Variants in TMEM65 observed in about 807,000 individuals in gnomAD.
TMEM65 encodes transmembrane protein 65.
A neutral mutation model predicts 25.4 loss-of-function variants in TMEM65; 22 were observed. That is an observed-to-expected ratio of 0.86 (90% CI 0.62 to 1.23). The LOEUF (loss-of-function observed/expected upper bound fraction) is 1.23. Ranked by LOEUF, TMEM65 falls within the 50% of genes most tolerant of loss-of-function variation. The pLI, the probability that TMEM65 is intolerant of heterozygous loss-of-function variation, is 0.00. For synonymous variants in TMEM65, 132 were observed against 126.2 expected (o/e 1.05, Z -0.31); for missense variants, 262 against 308.2 (o/e 0.85, Z 1.12).
chr8:124,322,088 T>C lies in TMEM65; in HGVS notation c.515+17A>G, dbSNP rs1463520539. On this transcript the variant is annotated intron_variant, in intron 5 of 6. Coordinates refer to ENST00000297632, the MANE Select transcript of TMEM65 (RefSeq NM_194291.3). ...AGCAAGTACAGAATATACAAATGAA[T>C]AAGTGAATGAACCTACCCAAGTCCA... 1.9e-6 allele frequency: 3 copies of C among 1,597,758 alleles called. No homozygotes were observed. Among genetic ancestry groups the C allele is most frequent in the Non-Finnish European group, 2.6e-6 (3 of 1,169,198 alleles).
At chr8:124,370,494 A>T (rs554523836) in intron 1 of TMEM65, among the ~76,000 whole-genome samples, 16 of 152,326 alleles carry the variant, frequency 1.1e-4, no homozygotes, top group Admixed American at 2.6e-4. Flanking sequence ...CTAGTGTTTC[A>T]TTATGATTGC....
intron 1 of TMEM65, among the ~76,000 whole-genome samples, chr8:124,347,177 A>T (rs1436259617): frequency 6.6e-6 from 1 of 152,208 alleles, no homozygotes; most frequent in East Asian, 1.9e-4. Context: ...CTCTTTAGAA[A>T]CAGCAGAGCT....
intron 6 of TMEM65, among the ~76,000 whole-genome samples, chr8:124,317,868 A>G (rs1251499049): frequency 1.3e-5 from 2 of 152,202 alleles, no homozygotes; most frequent in Non-Finnish European, 2.9e-5. Context: ...AGAGGGCCAC[A>G]TGGCAAAGAA....
At chr8:124,364,145 T>C (rs1814909444) in intron 1 of TMEM65, among the ~76,000 whole-genome samples, 1 of 151,948 alleles carries the variant, frequency 6.6e-6, no homozygotes, top group Non-Finnish European at 1.5e-5. Context: ...GAAATGTCTA[T>C]CAAGATTAAA....
chr8:124,343,647 C>G (rs1239093942), intron 1 of TMEM65, among the ~76,000 whole-genome samples: 2 of 152,038 alleles, frequency 1.3e-5, no homozygotes, highest in Admixed American at 6.6e-5. Context: ...TAAGGCTGAC[C>G]AGGAAAGCTA....
chr8:124,308,282 A>T lies in TMEM65; in HGVS notation c.*5678T>A, dbSNP rs941597240. The T allele has an allele frequency of 6.6e-6, 1 of 152,156 alleles. No individual in the cohort carries two copies. Among genetic ancestry groups the T allele is most frequent in the Admixed American group, 6.5e-5 (1 of 15,268 alleles). 9.4% of individuals were successfully genotyped at this position (152,156 alleles called of 1,614,324 possible). ...AGTGATCTATTTGCCCCCAAACACA[A>T]TGTCTCTAATTTAGTTTCTAGATCA... On this transcript the variant is annotated 3_prime_UTR_variant, in exon 7 of 7. Coordinates refer to ENST00000297632, the MANE Select transcript of TMEM65 (RefSeq NM_194291.3).
chr8:124,354,050 T>A (rs1372924778), intron 1 of TMEM65, among the ~76,000 whole-genome samples: 2 of 152,040 alleles, frequency 1.3e-5, no homozygotes, highest in African/African-American at 4.8e-5. Flanking sequence ...CCTGTGATAC[T>A]CCTGTCAAAG....
chr8:124,337,916 T>C (rs930270495), intron 1 of TMEM65, among the ~76,000 whole-genome samples: 2 of 152,022 alleles, frequency 1.3e-5, no homozygotes, highest in Non-Finnish European at 2.9e-5. Flanking sequence ...ATTGAGTTTG[T>C]TTTTTATTAA....
At chr8:124,361,700 G>A (rs950586874) in intron 1 of TMEM65, among the ~76,000 whole-genome samples, 1 of 150,974 alleles carries the variant, frequency 6.6e-6, no homozygotes, top group African/African-American at 2.4e-5. Context: ...GCCGGGAATG[G>A]TGGCATGCAC....
chr8:124,330,884 C>T (rs975258777), intron 1 of TMEM65, 92 bp from the exon 2 acceptor site: 15 of 1,188,384 alleles, frequency 1.3e-5, no homozygotes, highest in African/African-American at 9.6e-5. Context: ...AGATTTACAA[C>T]GTGGGAGAAT....
At chr8:124,352,253 A>T (rs2131220323) in intron 1 of TMEM65, among the ~76,000 whole-genome samples, 1 of 152,268 alleles carries the variant, frequency 6.6e-6, no homozygotes, top group East Asian at 1.9e-4. Flanking sequence ...TAACTAAAAC[A>T]TGGTTACTGA....
chr8:124,333,885 A>T lies in TMEM65; in HGVS notation c.305-3093T>A, dbSNP rs539705464. ...CAGTCTCTGTCTGAAGAACCAGAGG[A>T]TGAGGTGCCAGGTAACCAAACAACT... On this transcript the variant is annotated intron_variant, in intron 1 of 6. Transcript: ENST00000297632. Among the ~76,000 whole-genome samples, 5 of 152,286 alleles carry T rather than the reference A, an allele frequency of 3.3e-5. No individual in the cohort carries two copies. The South Asian group carries it at 1.0e-3, about 32-fold the overall frequency.
chr8:124,360,585 T>TGC (rs1814846960), intron 1 of TMEM65, among the ~76,000 whole-genome samples: 1 of 152,202 alleles, frequency 6.6e-6, no homozygotes, highest in African/African-American at 2.4e-5. Context: ...CTGGCTCTCT[T>TGC]GCCTTAGCTG....
At chr8:124,321,111 A>T (rs2131196787) in intron 5 of TMEM65, among the ~76,000 whole-genome samples, 1 of 152,306 alleles carries the variant, frequency 6.6e-6, no homozygotes, top group Admixed American at 6.5e-5. Context: ...ATATCATGAT[A>T]CATTTATGCC....
chr8:124,312,461 T>C lies in TMEM65; in HGVS notation c.*1499A>G, dbSNP rs979463421. 5 of 152,002 alleles carry C rather than the reference T, an allele frequency of 3.3e-5. No individual in the cohort carries two copies. The highest frequency in any genetic ancestry group is 6.6e-5 in the Admixed American group (1 of 15,250). The allele number at this position is 152,002 out of a possible 1,614,324, so 9.4% of individuals were successfully genotyped here. ...TACTCTGAAGAGTTCAAAGTAATTA[T>C]GTATAAATAAAACCTTAAAATAAAC... On this transcript the variant is annotated 3_prime_UTR_variant, in exon 7 of 7. Coordinates refer to ENST00000297632, the MANE Select transcript of TMEM65 (RefSeq NM_194291.3).
chr8:124,317,892 G>A (rs1814257164), intron 6 of TMEM65, among the ~76,000 whole-genome samples: 3 of 152,176 alleles, frequency 2.0e-5, no homozygotes, highest in South Asian at 2.1e-4. Flanking sequence ...CAGGTGACCC[G>A]TAGATCGGGG....
In TMEM65 at chr8:124,311,764, C is replaced by T. The variant is rs1814163914; in HGVS notation, c.*2196G>A. ...GGTAGACTATGATCTTAAACATATA[C>T]CTTCAGTTAAAGACAAATGGTCTCC... is the stretch of plus-strand genomic sequence containing the variant. On this transcript the variant is annotated 3_prime_UTR_variant, in exon 7 of 7. Coordinates refer to ENST00000297632, the MANE Select transcript of TMEM65 (RefSeq NM_194291.3). 1 of 152,098 alleles carries T rather than the reference C, an allele frequency of 6.6e-6. No individual in the cohort carries two copies. Among genetic ancestry groups the T allele is most frequent in the East Asian group, 1.9e-4 (1 of 5,196 alleles). 9.4% of individuals were successfully genotyped at this position (152,098 alleles called of 1,614,324 possible).
intron 1 of TMEM65, among the ~76,000 whole-genome samples, chr8:124,366,408 C>A (rs1336744300): frequency 1.3e-5 from 2 of 152,184 alleles, no homozygotes; most frequent in African/African-American, 4.8e-5. Flanking sequence ...CACCAAAGTA[C>A]CAGACACATA....
intron 1 of TMEM65, among the ~76,000 whole-genome samples, chr8:124,333,649 T>C (rs981944584): frequency 6.6e-6 from 1 of 152,320 alleles, no homozygotes; most frequent in East Asian, 1.9e-4. Flanking sequence ...TTCTCCTGCA[T>C]GGAACAACCA....
Sources: allele counts gnomAD v4.1 joint callset (sites outside exome capture counted in the v4.1 genomes callset), GRCh38; gene constraint gnomAD v4.1.1; transcripts MANE v1.5; gene names NCBI Gene and HGNC (gene_info 2026-07-23, HGNC 2026-07-21).